Variants in ESR1 observed in about 807,000 individuals in gnomAD.
ESR1 encodes the protein estrogen receptor.
A neutral mutation model predicts 52.7 loss-of-function variants in ESR1; 12 were observed. That is an observed-to-expected ratio of 0.23 (90% CI 0.15 to 0.37). ESR1 has a LOEUF of 0.37. Ranked by LOEUF, ESR1 falls within the 10% of genes least tolerant of loss-of-function variation. ESR1 has a pLI of 1.00. For synonymous variants in ESR1, 305 were observed against 316.8 expected (o/e 0.96, Z 0.39); for missense variants, 584 against 779.7 (o/e 0.75, Z 2.99).
rs541966727 is a variant in ESR1 at position 151,734,623 on chromosome 6, CT to C, written c.-71+32628del. On this transcript the variant is annotated intron_variant, in intron 2 of 2. Transcript: ENST00000404742. ...CTCCCTGTATAAGGGCAAAGCTAAC[CT>C]TTTTTTTTTCTTTTCATTGAGACAG... 5.2e-3 allele frequency among the ~76,000 whole-genome samples: 774 copies of C among 149,648 alleles called. 5 individuals carry two copies. Among genetic ancestry groups the C allele is most frequent in the African/African-American group, 0.016 (671 of 40,776 alleles).
intron 6 of ESR1, among the ~76,000 whole-genome samples, chr6:152,065,678 A>C (rs988827800): frequency 2.6e-5 from 4 of 152,078 alleles, no homozygotes; most frequent in African/African-American, 9.7e-5. Context: ...TCCTCTCTTC[A>C]ACCGTAGGTC....
chr6:151,976,615 T>A (rs1056889684), intron 4 of ESR1, among the ~76,000 whole-genome samples: 2 of 152,180 alleles, frequency 1.3e-5, no homozygotes, highest in African/African-American at 4.8e-5. Context: ...AGAAATATCA[T>A]AAGAGTAGTA....
chr6:152,112,555 CT>C (rs1185666314), intron 6 of ESR1, among the ~76,000 whole-genome samples: 1 of 152,204 alleles, frequency 6.6e-6, no homozygotes, highest in Non-Finnish European at 1.5e-5. Flanking sequence ...ATTGAAAACC[CT>C]GAATAAGCAA....
At chr6:151,793,653 G>A (rs1055446948) in intron 2 of ESR1, among the ~76,000 whole-genome samples, 10 of 152,146 alleles carry the variant, frequency 6.6e-5, no homozygotes, top group African/African-American at 2.2e-4. Context: ...GAGGCAATAG[G>A]AATTTTTCAG....
chr6:152,105,600 A>AGAGACAGTG (rs1313996832), downstream of ESR1, among the ~76,000 whole-genome samples: 18 of 149,198 alleles, frequency 1.2e-4, no homozygotes, highest in Non-Finnish European at 2.5e-4. Context: ...TAATTTTTAT[A>AGAGACAGTG]TTTTTAGTAG....
intron 4 of ESR1, among the ~76,000 whole-genome samples, chr6:151,964,931 C>T (rs867786097): frequency 3.9e-5 from 6 of 152,142 alleles, no homozygotes; most frequent in Admixed American, 6.5e-5. Flanking sequence ...CATGAGCCAC[C>T]GCGCCCGGCC....
At chr6:151,790,408 G>A (rs1776039703) in intron 2 of ESR1, among the ~76,000 whole-genome samples, 1 of 152,164 alleles carries the variant, frequency 6.6e-6, no homozygotes, top group Admixed American at 6.5e-5. Context: ...AAGGGTTTTG[G>A]TGAAGCCCTT....
chr6:151,872,649 A>G (rs1338058107), intron 2 of ESR1, among the ~76,000 whole-genome samples: 1 of 152,168 alleles, frequency 6.6e-6, no homozygotes, highest in Non-Finnish European at 1.5e-5. Flanking sequence ...GTGAGTTCCA[A>G]TGATATCATT....
At chr6:151,714,344 T>A (rs543263268) in intron 2 of ESR1, among the ~76,000 whole-genome samples, 5 of 152,222 alleles carry the variant, frequency 3.3e-5, no homozygotes, top group African/African-American at 1.2e-4. Context: ...TATAGATGTC[T>A]ATTAGGTCTG....
chr6:151,684,771 C>A (rs1453580961), intron 1 of ESR1, among the ~76,000 whole-genome samples: 2 of 152,184 alleles, frequency 1.3e-5, no homozygotes, highest in African/African-American at 4.8e-5. Context: ...CAGGCAGGTG[C>A]TGAATATCAC....
intron 2 of ESR1, among the ~76,000 whole-genome samples, chr6:151,785,005 A>G (rs1162825578): frequency 6.6e-6 from 1 of 152,122 alleles, no homozygotes; most frequent in Middle Eastern, 3.2e-3. Context: ...GGCAAGGCCC[A>G]CCCATGTTAT....
chr6:151,978,625 A>G (rs1468577986), intron 4 of ESR1, among the ~76,000 whole-genome samples: 1 of 152,162 alleles, frequency 6.6e-6, no homozygotes, highest in Non-Finnish European at 1.5e-5. Context: ...GCAGCCAGAG[A>G]GAAAAGGTCT....
chr6:151,762,658 C>A (rs930309034), intron 2 of ESR1, among the ~76,000 whole-genome samples: 5 of 152,164 alleles, frequency 3.3e-5, no homozygotes, highest in Non-Finnish European at 5.9e-5. Flanking sequence ...CATTAATAAT[C>A]TAACGTTTTA....
At chr6:151,736,490 A>G (rs1782687044) in intron 2 of ESR1, among the ~76,000 whole-genome samples, 1 of 150,132 alleles carries the variant, frequency 6.7e-6, no homozygotes, top group Non-Finnish European at 1.5e-5. Flanking sequence ...CTCCTGCCTC[A>G]GCCTCCTTGG....
At chr6:151,762,364 T>C (rs1252220095) in intron 2 of ESR1, among the ~76,000 whole-genome samples, 1 of 152,234 alleles carries the variant, frequency 6.6e-6, no homozygotes, top group Non-Finnish European at 1.5e-5. Flanking sequence ...TGTTATAGGC[T>C]TTGCAAGTTA....
intron 2 of ESR1, among the ~76,000 whole-genome samples, chr6:151,846,037 A>T (rs1785056419): frequency 6.6e-6 from 1 of 151,880 alleles, no homozygotes; most frequent in Non-Finnish European, 1.5e-5. Context: ...TAGGATCCAA[A>T]CTCCACTCAG....
intron 3 of ESR1, among the ~76,000 whole-genome samples, chr6:151,927,522 G>T (rs1369535295): frequency 6.6e-6 from 1 of 152,068 alleles, no homozygotes; most frequent in Admixed American, 6.6e-5. Flanking sequence ...AATATATATA[G>T]AGATATTTAG....
intron 1 of ESR1, among the ~76,000 whole-genome samples, chr6:151,827,667 A>G (rs1006822911): frequency 2.6e-5 from 4 of 152,244 alleles, no homozygotes; most frequent in African/African-American, 9.6e-5. Flanking sequence ...TAATACCATT[A>G]TATTTTAAAA....
intron 2 of ESR1, among the ~76,000 whole-genome samples, chr6:151,797,332 T>C (rs1776805417): frequency 6.6e-6 from 1 of 152,210 alleles, no homozygotes; most frequent in South Asian, 2.1e-4. Context: ...GATGTCCATT[T>C]TGAGAAAGCT....
Sources: allele counts gnomAD v4.1 joint callset (sites outside exome capture counted in the v4.1 genomes callset), GRCh38; gene constraint gnomAD v4.1.1; transcripts MANE v1.5; gene names NCBI Gene and HGNC (gene_info 2026-07-23, HGNC 2026-07-21).